Variants in GRM5 observed in about 807,000 individuals in gnomAD.
GRM5 encodes metabotropic glutamate receptor 5.
In GRM5, 19 loss-of-function variants were observed where a neutral mutation model predicts 83.1. The ratio of observed to expected loss-of-function variants is 0.23; its 90% CI spans 0.16 to 0.34. The LOEUF is 0.34. Among genes scored for constraint, GRM5 ranks in the 10% least tolerant of loss-of-function variants. GRM5 has a pLI of 1.00. For synonymous variants in GRM5, 675 were observed against 633.6 expected (o/e 1.07, Z -0.98); for missense variants, 1,160 against 1,588.3 (o/e 0.73, Z 4.58).
chr11:88,580,609 C>T (rs1183687525), intron 7 of GRM5, among the ~76,000 whole-genome samples: 2 of 152,108 alleles, frequency 1.3e-5, no homozygotes, highest in Non-Finnish European at 2.9e-5. Context: ...ATGGCAGGTG[C>T]TGTGTAGTAT....
At chr11:88,852,984 G>A (rs1161258761) in intron 2 of GRM5, among the ~76,000 whole-genome samples, 2 of 152,080 alleles carry the variant, frequency 1.3e-5, no homozygotes, top group Non-Finnish European at 2.9e-5. Flanking sequence ...AAAAGCTAAG[G>A]AAGTAACTAT....
chr11:88,781,397 A>G (rs1942973784), intron 3 of GRM5, among the ~76,000 whole-genome samples: 1 of 152,096 alleles, frequency 6.6e-6, no homozygotes, highest in Admixed American at 6.6e-5. Context: ...CAAGCATCCT[A>G]ATTATACAGG....
chr11:88,559,709 G>A (rs774505341), intron 8 of GRM5, among the ~76,000 whole-genome samples: 1 of 152,142 alleles, frequency 6.6e-6, no homozygotes, highest in South Asian at 2.1e-4. Context: ...TGAGTATTGA[G>A]TATGTGATTG....
chr11:88,930,158 C>A (rs961377067), intron 2 of GRM5, among the ~76,000 whole-genome samples: 1 of 151,952 alleles, frequency 6.6e-6, no homozygotes, highest in Non-Finnish European at 1.5e-5. Context: ...CCTGTAATAC[C>A]AATGACTTGG....
intron 3 of GRM5, among the ~76,000 whole-genome samples, chr11:88,656,795 A>C (rs1481999015): frequency 6.6e-6 from 1 of 152,178 alleles, no homozygotes; most frequent in African/African-American, 2.4e-5. Context: ...AATACAAATA[A>C]AAAACAAGAC....
chr11:88,774,782 T>C (rs780440310), intron 3 of GRM5, among the ~76,000 whole-genome samples: 2 of 152,190 alleles, frequency 1.3e-5, no homozygotes, highest in Non-Finnish European at 2.9e-5. Flanking sequence ...GCCTTGCATC[T>C]CAGGGATGAA....
chr11:88,680,212 C>T (rs1233199063), intron 3 of GRM5, among the ~76,000 whole-genome samples: 1 of 152,094 alleles, frequency 6.6e-6, no homozygotes, highest in Non-Finnish European at 1.5e-5. Flanking sequence ...TTAGGTATAT[C>T]TCCTAATGCT....
intron 2 of GRM5, among the ~76,000 whole-genome samples, chr11:88,860,681 G>T (rs972684694): frequency 6.6e-5 from 10 of 152,182 alleles, no homozygotes; most frequent in African/African-American, 2.4e-4. Flanking sequence ...GGGTTCTGTT[G>T]TAGCCAGATT....
intron 7 of GRM5, among the ~76,000 whole-genome samples, chr11:88,575,794 A>G (rs1432510361): frequency 6.6e-6 from 1 of 152,170 alleles, no homozygotes; most frequent in African/African-American, 2.4e-5. Context: ...ACAGCCATCC[A>G]TTTGTCATTG....
chr11:88,590,029 A>G (rs746765587), intron 7 of GRM5, among the ~76,000 whole-genome samples: 1 of 152,154 alleles, frequency 6.6e-6, no homozygotes, highest in African/African-American at 2.4e-5. Context: ...ATTCTTTAAC[A>G]TCTGTTGGCA....
At chr11:88,603,661 T>A (rs1292357902) in intron 5 of GRM5, among the ~76,000 whole-genome samples, 4 of 152,242 alleles carry the variant, frequency 2.6e-5, no homozygotes, top group Non-Finnish European at 5.9e-5. Context: ...GGTTTTCACT[T>A]GGCTGTATGA....
chr11:88,806,287 TCA>T (rs1481984852), intron 3 of GRM5, among the ~76,000 whole-genome samples: 1 of 152,208 alleles, frequency 6.6e-6, no homozygotes, highest in Non-Finnish European at 1.5e-5. Context: ...TCCATAAATT[TCA>T]CAGTCTGTAG....
chr11:88,691,919 T>G (rs958823440), intron 3 of GRM5, among the ~76,000 whole-genome samples: 10 of 152,212 alleles, frequency 6.6e-5, no homozygotes, highest in African/African-American at 2.4e-4. Context: ...AGCAGCTCCC[T>G]GTGAGCAACA....
intron 3 of GRM5, among the ~76,000 whole-genome samples, chr11:88,710,392 C>T (rs958781592): frequency 1.4e-4 from 22 of 152,216 alleles, no homozygotes; most frequent in African/African-American, 5.1e-4. Flanking sequence ...AACAGTGTTG[C>T]CTGGGCCTGC....
chr11:88,659,649 T>C (rs537513052), intron 3 of GRM5, among the ~76,000 whole-genome samples: 1 of 152,180 alleles, frequency 6.6e-6, no homozygotes, highest in Non-Finnish European at 1.5e-5. Context: ...ATAGTTATAG[T>C]TATAAAATAA....
At chr11:88,893,489 T>C (rs1182576669) in intron 2 of GRM5, among the ~76,000 whole-genome samples, 3 of 152,078 alleles carry the variant, frequency 2.0e-5, no homozygotes, top group Non-Finnish European at 4.4e-5. Flanking sequence ...ACGTCTTAGA[T>C]GGTCTGTTGA....
chr11:88,891,432 G>A (rs1051119003), intron 2 of GRM5, among the ~76,000 whole-genome samples: 2 of 151,976 alleles, frequency 1.3e-5, no homozygotes, highest in African/African-American at 2.4e-5. Context: ...TTCCTGATGC[G>A]TGGCTTTCTA....
intron 9 of GRM5, among the ~76,000 whole-genome samples, chr11:88,520,221 T>C (rs1331001462): frequency 6.6e-6 from 1 of 152,196 alleles, no homozygotes; most frequent in African/African-American, 2.4e-5. Context: ...ATGTTACTAA[T>C]TCTTCTTCTT....
At chr11:88,991,780 T>C (rs1230702134) in intron 2 of GRM5, among the ~76,000 whole-genome samples, 7 of 152,062 alleles carry the variant, frequency 4.6e-5, no homozygotes, top group Non-Finnish European at 7.4e-5. Flanking sequence ...CCCTATTTAA[T>C]AAATGGTGCT....
Sources: gnomAD v4.1 joint callset for allele counts (sites outside exome capture counted in the v4.1 genomes callset) on GRCh38, gnomAD v4.1.1 for gene constraint, MANE v1.5 for transcripts, NCBI Gene and HGNC (gene_info 2026-07-23, HGNC 2026-07-21) for gene names.